RORA: variants seen among roughly 807,000 people sequenced by gnomAD.
RORA encodes nuclear receptor ROR-alpha.
Under a neutral mutation model 69.5 loss-of-function variants are expected in RORA, and 7 were observed. The ratio of observed to expected loss-of-function variants is 0.10; its 90% CI spans 0.06 to 0.19. The LOEUF (loss-of-function observed/expected upper bound fraction) is 0.19. Ranked by LOEUF, RORA falls within the 10% of genes least tolerant of loss-of-function variation. RORA has a pLI of 1.00. For missense variants in RORA, 457 were observed against 663.0 expected, an observed-to-expected ratio of 0.69 and a Z score of 3.41; for synonymous variants, 261 against 240.8, an observed-to-expected ratio of 1.08 and a Z score of -0.78.
At chr15:60,684,097 CTT>C (rs372353847) in intron 1 of RORA, among the ~76,000 whole-genome samples, 3,876 of 146,958 alleles carry the variant, frequency 0.026, 164 homozygotes, top group African/African-American at 0.076. Flanking sequence ...ACTTTTTTTT[CTT>C]TTTTTTTTAG....
chr15:60,749,225 T>C (rs2071688999), intron 1 of RORA, among the ~76,000 whole-genome samples: 2 of 152,228 alleles, frequency 1.3e-5, no homozygotes, highest in African/African-American at 4.8e-5. Context: ...TAAAAATATT[T>C]ACTGTCTTTA....
chr15:60,502,551 A>G (rs1032338529), intron 8 of RORA, among the ~76,000 whole-genome samples: 1 of 152,050 alleles, frequency 6.6e-6, no homozygotes, highest in African/African-American at 2.4e-5. Context: ...ATAAAATGAA[A>G]CTCTACATCT....
At chr15:60,932,375 A>G (rs1370818233) in intron 1 of RORA, among the ~76,000 whole-genome samples, 1 of 152,086 alleles carries the variant, frequency 6.6e-6, no homozygotes, top group South Asian at 2.1e-4. Flanking sequence ...AAAAACCATT[A>G]ATTCCTTCAG....
intron 1 of RORA, among the ~76,000 whole-genome samples, chr15:60,875,505 C>T (rs908421093): frequency 2.2e-4 from 34 of 152,154 alleles, no homozygotes; most frequent in Middle Eastern, 3.4e-3. Context: ...TCCTGGATCT[C>T]GGTAAATCAT....
At chr15:60,898,013 C>A (rs1168842005) in intron 1 of RORA, among the ~76,000 whole-genome samples, 2 of 152,132 alleles carry the variant, frequency 1.3e-5, no homozygotes, top group Admixed American at 6.5e-5. Flanking sequence ...AACATGGGAT[C>A]TTAAGTAGTC....
chr15:61,163,064 A>G (rs1453106858), intron 1 of RORA, among the ~76,000 whole-genome samples: 2 of 152,206 alleles, frequency 1.3e-5, no homozygotes, highest in African/African-American at 4.8e-5. Context: ...GGCAAGAGAA[A>G]CACACTTAAC....
At chr15:60,996,982 T>C (rs545177129) in intron 1 of RORA, among the ~76,000 whole-genome samples, 1 of 152,094 alleles carries the variant, frequency 6.6e-6, no homozygotes, top group South Asian at 2.1e-4. Flanking sequence ...TTTAGGAGCC[T>C]ATAAAGTCCA....
At chr15:60,539,232 C>G (rs1312933092) in intron 2 of RORA, among the ~76,000 whole-genome samples, 1 of 152,180 alleles carries the variant, frequency 6.6e-6, no homozygotes, top group Non-Finnish European at 1.5e-5. Context: ...GGAAGCCAGG[C>G]ACATCTTCTC....
chr15:60,685,358 C>A (rs561383437), intron 1 of RORA, among the ~76,000 whole-genome samples: 3 of 152,196 alleles, frequency 2.0e-5, no homozygotes, highest in Non-Finnish European at 4.4e-5. Context: ...CAAATTTACA[C>A]GCAGTGCATG....
chr15:60,648,869 T>C (rs2070097830), intron 2 of RORA, among the ~76,000 whole-genome samples: 1 of 152,080 alleles, frequency 6.6e-6, no homozygotes, highest in Non-Finnish European at 1.5e-5. Flanking sequence ...ATATAGAAGA[T>C]GGTAAAGCAG....
chr15:60,933,461 C>A (rs1430382834), intron 1 of RORA, among the ~76,000 whole-genome samples: 1 of 152,174 alleles, frequency 6.6e-6, no homozygotes, highest in Admixed American at 6.5e-5. Context: ...ATGCGACCTC[C>A]TCCTCCAAGC....
chr15:61,197,458 C>G (rs879874041), intron 1 of RORA, among the ~76,000 whole-genome samples: 1 of 152,162 alleles, frequency 6.6e-6, no homozygotes, highest in Admixed American at 6.5e-5. Context: ...CATCTTCCTG[C>G]ACCTCAGGTT....
In RORA at chr15:61,128,251, G is replaced by A. The variant is rs115207226; in HGVS notation, c.166+100802C>T. Among the ~76,000 whole-genome samples the A allele has an allele frequency of 0.011, 1,687 of 151,782 alleles. 26 individuals carry two copies. Among genetic ancestry groups the A allele is most frequent in the African/African-American group, 0.037 (1,514 of 41,366 alleles). On this transcript the variant is annotated intron_variant, in intron 1 of 10. Transcript: ENST00000335670. The surrounding 1 kb of genome is among the most constrained non-coding windows in gnomAD (Gnocchi z 4.5). ...TGTGTGTGAGTGTGTTTCTGCAAGG[G>A]TATACTTTTAAAGCACTAGAAAAAA...
intron 1 of RORA, among the ~76,000 whole-genome samples, chr15:60,972,572 G>A (rs149732670): frequency 1.2e-3 from 179 of 152,170 alleles, no homozygotes; most frequent in Admixed American, 2.6e-3. Context: ...CTCACTGCAC[G>A]TTTCACTATT....
intron 1 of RORA, among the ~76,000 whole-genome samples, chr15:60,711,224 C>T (rs866362778): frequency 3.9e-5 from 6 of 152,150 alleles, no homozygotes; most frequent in Admixed American, 2.6e-4. Context: ...GTATTTCTCA[C>T]TTTCCCTGGA....
At chr15:60,529,270 T>C (rs2066457904) in intron 3 of RORA, 1 of 152,220 alleles carries the variant, frequency 6.6e-6, no homozygotes, top group East Asian at 1.9e-4. Flanking sequence ...CTCAGCAAAG[T>C]TATTTACAAT....
At chr15:60,804,689 T>C (rs957267319) in intron 1 of RORA, among the ~76,000 whole-genome samples, 5 of 152,148 alleles carry the variant, frequency 3.3e-5, no homozygotes, top group African/African-American at 1.2e-4. Context: ...ACGAGGGGTG[T>C]GACTATAGAA....
intron 1 of RORA, among the ~76,000 whole-genome samples, chr15:60,906,299 T>A (rs888090718): frequency 6.6e-6 from 1 of 152,204 alleles, no homozygotes; most frequent in African/African-American, 2.4e-5. Context: ...CCAACAGAAT[T>A]TTCCCCTAGA....
chr15:60,645,012 T>C (rs1222173763), intron 2 of RORA, among the ~76,000 whole-genome samples: 2 of 152,182 alleles, frequency 1.3e-5, no homozygotes, highest in African/African-American at 4.8e-5. Context: ...ATAAATAATA[T>C]TGATTTTCCC....
Sources: allele counts gnomAD v4.1 joint callset (sites outside exome capture counted in the v4.1 genomes callset), GRCh38; gene constraint gnomAD v4.1.1; non-coding constraint Gnocchi (gnomAD v3.1); transcripts MANE v1.5; gene names NCBI Gene and HGNC (gene_info 2026-07-23, HGNC 2026-07-21).